The following EXD3 variants were observed in gnomAD, a reference collection of about 807,000 sequenced individuals.
The protein encoded by EXD3 is exonuclease 3'-5' domain containing 3.
A neutral mutation model predicts 98.0 loss-of-function variants in EXD3; 92 were observed. The ratio of observed to expected loss-of-function variants is 0.94; its 90% CI spans 0.79 to 1.12. EXD3 has a LOEUF of 1.12. Ranked by LOEUF, EXD3 falls within the 50% of genes most tolerant of loss-of-function variation. EXD3 has a pLI of 0.00. For missense variants in EXD3, 1,222 were observed against 1,191.6 expected, an observed-to-expected ratio of 1.03 and a Z score of -0.38; for synonymous variants, 569 against 526.0, an observed-to-expected ratio of 1.08 and a Z score of -1.12.
At chr9:137,399,370 T>C (rs570333907) in intron 1 of EXD3, among the ~76,000 whole-genome samples, 13 of 152,340 alleles carry the variant, frequency 8.5e-5, no homozygotes, top group African/African-American at 3.1e-4. Flanking sequence ...CTCAGTTCTG[T>C]CCTCAGGAAC....
chr9:137,391,327 C>T (rs1836896015), intron 2 of EXD3, among the ~76,000 whole-genome samples: 1 of 152,242 alleles, frequency 6.6e-6, no homozygotes, highest in African/African-American at 2.4e-5. Flanking sequence ...TGCCGAGGAA[C>T]CCGTCTGGAG....
intron 11 of EXD3, 81 bp from the exon 12 acceptor site, chr9:137,352,282 A>G: frequency 6.3e-7 from 1 of 1,577,024 alleles, no homozygotes; most frequent in Non-Finnish European, 8.6e-7. Context: ...GGGAGCATTC[A>G]GGGCCTGTTT....
chr9:137,384,430 TCA>T (rs1836481901), intron 2 of EXD3, among the ~76,000 whole-genome samples: 1 of 152,182 alleles, frequency 6.6e-6, no homozygotes, highest in South Asian at 2.1e-4. Context: ...TCAGTTCAGC[TCA>T]CAATTTAAGA....
chr9:137,414,789 C>T (rs1838160422), intron 1 of EXD3, among the ~76,000 whole-genome samples: 1 of 152,220 alleles, frequency 6.6e-6, no homozygotes, highest in Non-Finnish European at 1.5e-5. Flanking sequence ...TCCCACACCG[C>T]CACTCCAGGG....
Position 137,383,396 on chromosome 9 carries a change from A to G in EXD3, c.56-19T>C. 6.5e-7 allele frequency: 1 copy of G among 1,528,044 alleles called. No individual in the cohort carries two copies. The highest frequency in any genetic ancestry group is 1.2e-5 in the South Asian group (1 of 82,770). 94.7% of individuals were successfully genotyped at this position (1,528,044 alleles called of 1,614,324 possible). A position where few individuals can be genotyped will look rare whatever the true frequency, so the allele number is the denominator to read the frequency against. On this transcript the variant is annotated intron_variant, in intron 2 of 21. Coordinates refer to ENST00000340951, the MANE Select transcript of EXD3 (RefSeq NM_017820.5). ...TCCCGGCCTGTGGAGATAAGATAAC[A>G]GCCGTGGGAGGGAGAGGCAGGTGCA...
chr9:137,411,257 C>T (rs1302747001), intron 1 of EXD3, among the ~76,000 whole-genome samples: 1 of 152,198 alleles, frequency 6.6e-6, no homozygotes, highest in Admixed American at 6.5e-5. Context: ...TCACCCCAAA[C>T]CCAGCTGAGC....
At chr9:137,384,240 G>C (rs1836471696) in intron 2 of EXD3, among the ~76,000 whole-genome samples, 1 of 152,260 alleles carries the variant, frequency 6.6e-6, no homozygotes, top group Non-Finnish European at 1.5e-5. Context: ...CATGAGATCA[G>C]ATCAGACCTC....
At chr9:137,418,609 GT>G (rs1838354114) in intron 1 of EXD3, among the ~76,000 whole-genome samples, 1 of 152,202 alleles carries the variant, frequency 6.6e-6, no homozygotes, top group African/African-American at 2.4e-5. Flanking sequence ...GGGTCACGAA[GT>G]TAACACTGTA....
At chr9:137,386,131 A>G (rs143427402) in intron 2 of EXD3, among the ~76,000 whole-genome samples, 64 of 151,996 alleles carry the variant, frequency 4.2e-4, no homozygotes, top group African/African-American at 1.3e-3. Context: ...CCCCATCTCT[A>G]CCAAAATAAA....
At chr9:137,317,736 C>T (rs561082728) in intron 19 of EXD3, among the ~76,000 whole-genome samples, 2 of 152,246 alleles carry the variant, frequency 1.3e-5, no homozygotes, top group South Asian at 4.1e-4. Context: ...ACTAAGCCCC[C>T]TCAGGTGCCA....
intron 19 of EXD3, among the ~76,000 whole-genome samples, chr9:137,319,437 C>T (rs1172763174): frequency 3.9e-5 from 6 of 152,282 alleles, no homozygotes; most frequent in South Asian, 2.1e-4. Context: ...GTGGGGTGGC[C>T]GATCAGTGGT....
Position 137,307,631 on chromosome 9 carries a change from T to G in EXD3, c.2294A>C (p.Gln765Pro). ...ACCTGGCTCCTGCACCGCCTGGCTC[T>G]GGGTGGCCTCGTCACCTGTCAGTCA... ...GPRSSGDEATQSQAVQEPGPA... is the reference protein window; with the variant it reads ...GPRSSGDEATPSQAVQEPGPA... Residue 765 changes from glutamine to proline, a missense_variant, in exon 21 of 22, where the codon CAG (glutamine) becomes CCG (proline). Transcript: ENST00000340951. 1 of 1,610,276 alleles carries G rather than the reference T, an allele frequency of 6.2e-7. No individual in the cohort carries two copies. Among genetic ancestry groups the G allele is most frequent in the Non-Finnish European group, 8.5e-7 (1 of 1,179,696 alleles).
At chr9:137,415,296 C>T (rs939500287) in intron 1 of EXD3, among the ~76,000 whole-genome samples, 18 of 151,312 alleles carry the variant, frequency 1.2e-4, no homozygotes, top group Middle Eastern at 3.2e-3. Flanking sequence ...CTCCGCCTCC[C>T]GGGTTCAAAC....
chr9:137,351,619 T>C, intron 12 of EXD3, 91 bp from the exon 13 acceptor site: 2 of 1,278,648 alleles, frequency 1.6e-6, no homozygotes, highest in South Asian at 2.7e-5. Context: ...TCTGTGAGCT[T>C]GGGCTTCGGG....
chr9:137,370,965 C>T (rs1284142072), intron 5 of EXD3, among the ~76,000 whole-genome samples: 3 of 152,206 alleles, frequency 2.0e-5, no homozygotes, highest in Non-Finnish European at 4.4e-5. Context: ...CCAGCTAATC[C>T]GAGCGGACAG....
intron 7 of EXD3, among the ~76,000 whole-genome samples, chr9:137,364,799 C>T (rs1259208781): frequency 4.2e-5 from 6 of 141,512 alleles, no homozygotes; most frequent in South Asian, 2.3e-4. Flanking sequence ...GACTGAGTCT[C>T]GCTCTGTCGC....
chr9:137,400,673 G>A (rs1353649886), intron 1 of EXD3, among the ~76,000 whole-genome samples: 3 of 151,898 alleles, frequency 2.0e-5, no homozygotes, highest in Admixed American at 1.3e-4. Flanking sequence ...GCTGAGGCAG[G>A]AGAATCACTC....
intron 1 of EXD3, among the ~76,000 whole-genome samples, chr9:137,406,511 C>T (rs1170821013): frequency 6.6e-6 from 1 of 151,752 alleles, no homozygotes; most frequent in East Asian, 1.9e-4. Flanking sequence ...GCAGAGGCGA[C>T]GGCTGCTCTT....
chr9:137,369,513 G>A (rs1375835961), intron 5 of EXD3, among the ~76,000 whole-genome samples: 2 of 152,218 alleles, frequency 1.3e-5, no homozygotes, highest in Admixed American at 6.5e-5. Context: ...CACCTCCTTG[G>A]GACCAGGCCC....
Sources: gnomAD v4.1 joint callset for allele counts (sites outside exome capture counted in the v4.1 genomes callset) on GRCh38, gnomAD v4.1.1 for gene constraint, MANE v1.5 for transcripts, NCBI Gene and HGNC (gene_info 2026-07-23, HGNC 2026-07-21) for gene names.